Variants in CELF4 observed in about 807,000 individuals in gnomAD.
CELF4 encodes CUG-BP- and ETR-3-like factor 4.
A neutral mutation model predicts 59.9 loss-of-function variants in CELF4; 18 were observed. The ratio of observed to expected loss-of-function variants is 0.30; its 90% CI spans 0.21 to 0.45. The LOEUF (loss-of-function observed/expected upper bound fraction) is 0.45, where lower values mean the gene tolerates loss of function less well. Ranked by LOEUF, CELF4 falls within the 20% of genes least tolerant of loss-of-function variation. The pLI, the probability that CELF4 is intolerant of heterozygous loss-of-function variation, is 1.00. For synonymous variants in CELF4, 261 were observed against 267.1 expected, an observed-to-expected ratio of 0.98 and a Z score of 0.22; for missense variants, 456 against 689.0, an observed-to-expected ratio of 0.66 and a Z score of 3.79.
intron 1 of CELF4, among the ~76,000 whole-genome samples, chr18:37,524,120 A>G (rs990716467): frequency 3.2e-4 from 48 of 152,360 alleles, no homozygotes; most frequent in African/African-American, 1.1e-3. Context: ...TGCCTGGCAT[A>G]CAGCGAGACC....
intron 3 of CELF4, among the ~76,000 whole-genome samples, chr18:37,289,352 A>C (rs1333892563): frequency 9.4e-6 from 1 of 105,970 alleles, no homozygotes; most frequent in Non-Finnish European, 1.8e-5. Context: ...GACAGAATGC[A>C]AAGAGCTTCG....
intron 11 of CELF4, among the ~76,000 whole-genome samples, chr18:37,258,359 C>T (rs2071583257): frequency 6.6e-6 from 1 of 152,082 alleles, no homozygotes; most frequent in Admixed American, 6.5e-5. Flanking sequence ...ACCCCAGCCC[C>T]ATGCCTTCCT....
At chr18:37,259,667 G>C (rs1161141154) in intron 10 of CELF4, among the ~76,000 whole-genome samples, 1 of 152,138 alleles carries the variant, frequency 6.6e-6, no homozygotes, top group Non-Finnish European at 1.5e-5. Flanking sequence ...GCTCTGGGGG[G>C]ACCAGGGCAT....
intron 2 of CELF4, among the ~76,000 whole-genome samples, chr18:37,420,851 C>G (rs2099573670): frequency 6.6e-6 from 1 of 152,212 alleles, no homozygotes; most frequent in African/African-American, 2.4e-5. Flanking sequence ...CTTGGAAGCC[C>G]TGCCTCATGG....
At chr18:37,252,354 C>T (rs2066006945) in intron 12 of CELF4, among the ~76,000 whole-genome samples, 2 of 152,026 alleles carry the variant, frequency 1.3e-5, no homozygotes, top group African/African-American at 4.8e-5. Flanking sequence ...GTGCAGTAGA[C>T]CTATGCTTTG....
chr18:37,313,393 C>T (rs1432376285), intron 3 of CELF4, among the ~76,000 whole-genome samples: 2 of 152,176 alleles, frequency 1.3e-5, no homozygotes, highest in Non-Finnish European at 2.9e-5. Flanking sequence ...GTGAGTCACT[C>T]GCTGACTCCT....
At chr18:37,401,812 T>C (rs374027963) in intron 2 of CELF4, among the ~76,000 whole-genome samples, 1 of 152,212 alleles carries the variant, frequency 6.6e-6, no homozygotes, top group East Asian at 1.9e-4. Flanking sequence ...GGCCTCTCAC[T>C]TCCCTAGGGG....
intron 2 of CELF4, among the ~76,000 whole-genome samples, chr18:37,331,300 G>A (rs1204999024): frequency 6.6e-6 from 1 of 152,150 alleles, no homozygotes; most frequent in African/African-American, 2.4e-5. Context: ...TCATAGCTGT[G>A]TCTGCAATTG....
At chr18:37,412,857 C>T (rs757932403) in intron 2 of CELF4, among the ~76,000 whole-genome samples, 18 of 151,042 alleles carry the variant, frequency 1.2e-4, no homozygotes, top group Non-Finnish European at 2.1e-4. Context: ...TGCCACTCCC[C>T]GCGCCAATGT....
intron 2 of CELF4, among the ~76,000 whole-genome samples, chr18:37,396,846 G>C (rs895498248): frequency 6.6e-6 from 1 of 152,102 alleles, no homozygotes. Flanking sequence ...AGCCCTCCTA[G>C]AGGAAGCCAA....
At chr18:37,443,563 C>A (rs2099739241) in intron 2 of CELF4, among the ~76,000 whole-genome samples, 1 of 152,162 alleles carries the variant, frequency 6.6e-6, no homozygotes, top group Non-Finnish European at 1.5e-5. Flanking sequence ...ATGACATCAT[C>A]AGTGTGGGTG....
chr18:37,537,917 C>G (rs1241324589), intron 1 of CELF4, among the ~76,000 whole-genome samples: 1 of 152,214 alleles, frequency 6.6e-6, no homozygotes, highest in African/African-American at 2.4e-5. Context: ...GACCTGGTGT[C>G]CCATCATGGG....
intron 1 of CELF4, among the ~76,000 whole-genome samples, chr18:37,506,793 G>T (rs76962702): frequency 1.3e-5 from 2 of 152,184 alleles, no homozygotes; most frequent in Non-Finnish European, 2.9e-5. Flanking sequence ...GAAGCATCGC[G>T]CCTTGCATTT....
chr18:37,351,414 A>G (rs552471867), intron 2 of CELF4, among the ~76,000 whole-genome samples: 5 of 152,216 alleles, frequency 3.3e-5, no homozygotes, highest in East Asian at 3.9e-4. Flanking sequence ...CACGGGCCCA[A>G]CGTATACCAG....
rs767099630 is a variant in CELF4, at chr18:37,274,314, C to T, written c.798G>A (p.Gln266=). 5.6e-5 allele frequency: 91 copies of T among 1,612,246 alleles called. No homozygotes were observed. The Middle Eastern group carries it at 2.0e-3, about 35-fold the overall frequency. ...IPFGAYGAYA[Q]ALMQQQAALM... is the part of the protein sequence containing the mutation. Reference sequence around the variant, plus strand: ...GCCCGTGCGCGCTGCCACTTACTGCCTGAGCGTAGGCGCCGTAGGCCCCGA... The same window carrying T: ...GCCCGTGCGCGCTGCCACTTACTGCTTGAGCGTAGGCGCCGTAGGCCCCGA... Residue 266 remains glutamine (Q), a synonymous_variant, in exon 6 of 13, where the codon CAG becomes CAA. Transcript: ENST00000420428.
intron 10 of CELF4, among the ~76,000 whole-genome samples, chr18:37,263,701 A>ATC (rs2076043392): frequency 6.6e-6 from 1 of 151,904 alleles, no homozygotes; most frequent in African/African-American, 2.4e-5. Context: ...TGACCCAAAG[A>ATC]TCTTGCTGTC....
chr18:37,385,958 G>A (rs936101752), intron 2 of CELF4, among the ~76,000 whole-genome samples: 4 of 152,172 alleles, frequency 2.6e-5, no homozygotes, highest in African/African-American at 7.2e-5. Flanking sequence ...GACATTTATT[G>A]AAACTTCAAA....
chr18:37,263,958 C>T (rs2076176835), intron 10 of CELF4, among the ~76,000 whole-genome samples: 1 of 152,188 alleles, frequency 6.6e-6, no homozygotes, highest in Admixed American at 6.5e-5. Flanking sequence ...CTGGCCAAAT[C>T]CTGCCCACCA....
intron 2 of CELF4, among the ~76,000 whole-genome samples, chr18:37,398,560 G>C (rs1303920027): frequency 6.6e-6 from 1 of 152,064 alleles, no homozygotes; most frequent in Non-Finnish European, 1.5e-5. Context: ...CCCGTCAAAG[G>C]GGCCTTCTGC....
Sources: allele counts gnomAD v4.1 joint callset (sites outside exome capture counted in the v4.1 genomes callset), GRCh38; gene constraint gnomAD v4.1.1; transcripts MANE v1.5; gene names NCBI Gene and HGNC (gene_info 2026-07-23, HGNC 2026-07-21).